Variants in MXD3 observed in about 807,000 individuals in gnomAD.
MXD3 encodes the protein MAX dimerization protein 3.
In MXD3, 20 loss-of-function variants were observed where a neutral mutation model predicts 27.5. The observed-to-expected ratio is 0.73, with a 90% CI of 0.51 to 1.06. The LOEUF (loss-of-function observed/expected upper bound fraction) is 1.06. MXD3 is among the 50% of genes least tolerant of loss of function. The probability of loss-of-function intolerance (pLI) is 0.00; values close to 1 mark genes in which losing one functional copy is unlikely to be tolerated. For synonymous variants in MXD3, 150 were observed against 130.7 expected (o/e 1.15, Z -1.01); for missense variants, 298 against 291.3 (o/e 1.02, Z -0.17).
chr5:177,307,683 C>T lies in MXD3; in HGVS notation c.526G>A (p.Glu176Lys). 3 of 1,613,772 alleles carry T rather than the reference C, an allele frequency of 1.9e-6. No homozygotes were observed. The highest frequency in any genetic ancestry group is 2.5e-6 in the Non-Finnish European group (3 of 1,179,936). ...GCCTCACCCCCAAACACCAGGCTCT[C>T]CACATCCACCTCCAGCTCCTCTGCG... ...SDQEELEVDV[E>K]SLVFGGEAEL... The change falls in exon 6 of 6, where the codon GAG (glutamate) becomes AAG (lysine). Residue 176 changes from glutamate (E) to lysine (K), a missense_variant. Glu to Lys is a moderately conservative substitution (Grantham distance 56). Coordinates refer to ENST00000439742, the MANE Select transcript of MXD3 (RefSeq NM_031300.4).
chr5:177,306,985 T>C, downstream of MXD3: 1 of 1,361,962 alleles, frequency 7.3e-7, no homozygotes, highest in Non-Finnish European at 9.8e-7. Context: ...GGCTCTGGTT[T>C]GAATCTTGGC....
chr5:177,307,853 C>A lies in MXD3; in HGVS notation c.433G>T (p.Glu145Ter), dbSNP rs554938296. Reference protein sequence around the residue: ...EQLRGLAGAAERERLRADSLD... With the variant: ...EQLRGLAGAA ...CTGTCCGCCCGCAGCCGCTCCCGCT[C>A]GGCCGCCCCTGCCAGCCCCCGGAGC... Residue 145 changes from glutamate (E) to a stop codon, truncating the protein, a stop_gained, in exon 5 of 6, where the codon GAG (glutamate) becomes TAG (stop). Coordinates refer to ENST00000439742, the MANE Select transcript of MXD3 (RefSeq NM_031300.4). LOFTEE classifies it high-confidence loss of function. The A allele has an allele frequency of 2.5e-6, 4 of 1,610,174 alleles. No homozygotes were observed. Among genetic ancestry groups the A allele is most frequent in the Non-Finnish European group, 3.4e-6 (4 of 1,178,882 alleles).
At chr5:177,305,992 GTGT>G (rs770226639), downstream of MXD3, 5 of 1,612,756 alleles carry the variant, frequency 3.1e-6, no homozygotes, top group East Asian at 8.9e-5. Context: ...CAGGTGAGCA[GTGT>G]TGTTGGGGCT....
Position 177,307,561 on chromosome 5 carries a change from G to T in MXD3, c.*27C>A. The T allele has an allele frequency of 7.5e-6, 12 of 1,608,478 alleles. No homozygotes were observed. The highest frequency in any genetic ancestry group is 1.0e-5 in the Non-Finnish European group (12 of 1,178,670). Reference sequence around the variant, plus strand: ...CAAGTGGGCCTGGCACGAGTAGAGGGCAGAGGCCCGCCCTGGGTGAGGAAC... The same window carrying T: ...CAAGTGGGCCTGGCACGAGTAGAGGTCAGAGGCCCGCCCTGGGTGAGGAAC... On this transcript the variant is annotated 3_prime_UTR_variant, in exon 6 of 6. Transcript: ENST00000439742.
downstream of MXD3, chr5:177,306,068 A>G (rs201454101): frequency 2.7e-5 from 44 of 1,603,012 alleles, no homozygotes; most frequent in East Asian, 8.7e-4. Context: ...TGGGCAACTC[A>G]GTATCCTTCC....
Position 177,307,456 on chromosome 5 carries a change from TC to T in MXD3, c.*131del, listed in dbSNP as rs1209010345. ...AGCAGGGTGTTTGGGGAGCACCTGT[TC>T]CCACACAAGGGTCCTTTTAGTCCAT... On this transcript the variant is annotated 3_prime_UTR_variant, in exon 6 of 6. Transcript: ENST00000439742. The T allele has an allele frequency of 6.5e-7, 1 of 1,529,758 alleles. No homozygotes were observed. Among genetic ancestry groups the T allele is most frequent in the Non-Finnish European group, 8.8e-7 (1 of 1,137,580 alleles). 94.8% of individuals were successfully genotyped at this position (1,529,758 alleles called of 1,614,324 possible).
rs762424793 is a variant in MXD3 at position 177,307,834 on chromosome 5, G to T, written c.452C>A (p.Ala151Glu). ...GAGGCCTGAGGAGTCCAGACTGTCC[G>T]CCCGCAGCCGCTCCCGCTCGGCCGC... The part of the protein sequence containing the change: ...AGAAERERLR[A>E]DSLDSSGLSS... Residue 151 changes from alanine to glutamate, a missense_variant, in exon 5 of 6, where the codon GCG (alanine) becomes GAG (glutamate). Ala to Glu is a moderately radical substitution (Grantham distance 107). Coordinates refer to ENST00000439742, the MANE Select transcript of MXD3 (RefSeq NM_031300.4). The T allele has an allele frequency of 7.4e-6, 12 of 1,611,438 alleles. No homozygotes were observed. The highest frequency in any genetic ancestry group is 1.0e-5 in the Non-Finnish European group (12 of 1,179,396).
Position 177,307,367 on chromosome 5 carries a change from G to C in MXD3, c.*221C>G, listed in dbSNP as rs749121301. On this transcript the variant is annotated 3_prime_UTR_variant, in exon 6 of 6. Transcript: ENST00000439742. ...CGGGCCCAAGCTGCCTGCCCTGCAGGGGTCCAGGGAGGTCCTGATGAGTCC... is the reference window on the plus strand; with the variant it reads ...CGGGCCCAAGCTGCCTGCCCTGCAGCGGTCCAGGGAGGTCCTGATGAGTCC... 1.3e-6 allele frequency: 2 copies of C among 1,513,092 alleles called. No homozygotes were observed. The highest frequency in any genetic ancestry group is 3.9e-5 in the Admixed American group (2 of 50,890). The allele number at this position is 1,513,092 out of a possible 1,614,324, so 93.7% of individuals were successfully genotyped here. A position where few individuals can be genotyped will look rare whatever the true frequency, so the allele number is the denominator to read the frequency against.
chr5:177,311,724 G>T (rs1245836587), intron 1 of MXD3, 37 bp downstream of exon 1: 1 of 1,601,898 alleles, frequency 6.2e-7, no homozygotes. Context: ...TGTCAGCGAG[G>T]TCGCCGCCCG....
downstream of MXD3, chr5:177,306,625 C>T: frequency 6.4e-7 from 1 of 1,565,198 alleles, no homozygotes; most frequent in Non-Finnish European, 8.7e-7. Context: ...TCTCTGCCCT[C>T]CCTTCATTGT....
chr5:177,306,095 C>A, downstream of MXD3: 1 of 1,611,074 alleles, frequency 6.2e-7, no homozygotes, highest in Non-Finnish European at 8.5e-7. Context: ...CATCTCATGC[C>A]AGGAATTTGG....
rs756699534 is a variant in MXD3 at position 177,307,642 on chromosome 5, G to C, written c.567C>G (p.Gly189=). The change falls in exon 6 of 6, where the codon GGC becomes GGG. Residue 189 remains glycine (G), a synonymous_variant. Coordinates refer to ENST00000439742, the MANE Select transcript of MXD3 (RefSeq NM_031300.4). ...VFGGEAELLR[G]FVAGQEHSYS... ...AGCTGTGCTCCTGGCCGGCGACGAA[G>C]CCCCGCAGCAGCTCGGCCTCACCCC... The C allele has an allele frequency of 6.2e-7, 1 of 1,613,406 alleles. No homozygotes were observed. Among genetic ancestry groups the C allele is most frequent in the South Asian group, 1.1e-5 (1 of 91,084 alleles).
chr5:177,309,699 A>G (rs773174234), intron 4 of MXD3, among the ~76,000 whole-genome samples: 3 of 152,266 alleles, frequency 2.0e-5, no homozygotes, highest in Admixed American at 6.5e-5. Context: ...GGAACTGGGC[A>G]TGGGTCCTGA....
upstream of MXD3, chr5:177,312,683 T>C (rs945290037): frequency 1.0e-6 from 1 of 985,440 alleles, no homozygotes; most frequent in Non-Finnish European, 1.2e-6. Context: ...AAGCTGTTGT[T>C]GCTACGAAAA....
chr5:177,308,009 G>A (rs1760933386), intron 4 of MXD3, 45 bp from the exon 5 acceptor site: 1 of 1,462,300 alleles, frequency 6.8e-7, no homozygotes, highest in Non-Finnish European at 9.1e-7. Flanking sequence ...GCGGCGTGGG[G>A]GCTTGGGCTG....
At position 177,307,374 on chromosome 5, in the gene MXD3, G is replaced by A; in HGVS notation, c.*214C>T. 2 of 1,507,806 alleles carry A rather than the reference G, an allele frequency of 1.3e-6. No individual in the cohort carries two copies. The highest frequency in any genetic ancestry group is 1.7e-4 in the Middle Eastern group (1 of 5,924). 93.4% of individuals were successfully genotyped at this position (1,507,806 alleles called of 1,614,324 possible). ...AAGCTGCCTGCCCTGCAGGGGTCCA[G>A]GGAGGTCCTGATGAGTCCTGCCCCT... is the stretch of plus-strand genomic sequence containing the variant. On this transcript the variant is annotated 3_prime_UTR_variant, in exon 6 of 6. Transcript: ENST00000439742.
At chr5:177,306,791 A>C (rs1290657031), downstream of MXD3, 2 of 851,274 alleles carry the variant, frequency 2.3e-6, no homozygotes, top group South Asian at 1.8e-5. Context: ...CGAGGCACAG[A>C]GGTGCGGTGA....
chr5:177,312,554 G>A (rs983450310), upstream of MXD3: 5 of 985,344 alleles, frequency 5.1e-6, no homozygotes, highest in African/African-American at 1.7e-5. Context: ...CCCGGCTCCT[G>A]CCCTCCGGGG....
chr5:177,311,233 A>G (rs1391313963), intron 2 of MXD3, 146 bp downstream of exon 2: 4 of 532,372 alleles, frequency 7.5e-6, no homozygotes, highest in Non-Finnish European at 1.3e-5. Context: ...GTGTTTGGAG[A>G]GTGGGGAGAT....
Sources: allele counts gnomAD v4.1 joint callset (sites outside exome capture counted in the v4.1 genomes callset), GRCh38; gene constraint gnomAD v4.1.1; transcripts MANE v1.5; gene names NCBI Gene and HGNC (gene_info 2026-07-23, HGNC 2026-07-21).